PARD3B: variants seen among roughly 807,000 people sequenced by gnomAD.
PARD3B encodes the protein partitioning defective 3 homolog B.
A neutral mutation model predicts 130.2 loss-of-function variants in PARD3B; 103 were observed. That is an observed-to-expected ratio of 0.79 (90% confidence interval 0.67 to 0.93). The LOEUF (loss-of-function observed/expected upper bound fraction) is 0.93, where lower values mean the gene tolerates loss of function less well. Among genes scored for constraint, PARD3B ranks in the 40% least tolerant of loss-of-function variants. The pLI, the probability that PARD3B is intolerant of heterozygous loss-of-function variation, is 0.00. For missense variants in PARD3B, 1,609 were observed against 1,499.2 expected (o/e 1.07, Z -1.21); for synonymous variants, 583 against 553.2 (o/e 1.05, Z -0.76).
chr2:205,585,641 G>A lies in PARD3B; in HGVS notation c.3261-29815G>A, dbSNP rs571591257. ...AGCTGAAACAACAAAGCGGGACATG[G>A]AAACATGTTCACTTACACAGATTTC... On this transcript the variant is annotated intron_variant, in intron 22 of 22. Coordinates refer to ENST00000406610, the MANE Select transcript of PARD3B (RefSeq NM_001302769.2). This position sits in a 1 kb window ranked among gnomAD's most constrained non-coding sequence, Gnocchi z 5.4. Among the ~76,000 whole-genome samples, 2 of 152,184 alleles carry A rather than the reference G, an allele frequency of 1.3e-5. No homozygotes were observed. Among genetic ancestry groups the A allele is most frequent in the Admixed American group, 1.3e-4 (2 of 15,284 alleles).
At chr2:204,931,091 T>A (rs1433943802) in intron 2 of PARD3B, among the ~76,000 whole-genome samples, 1 of 152,030 alleles carries the variant, frequency 6.6e-6, no homozygotes, top group African/African-American at 2.4e-5. Flanking sequence ...ATGGCTTAGG[T>A]TTAATATAGA....
At chr2:204,709,712 A>T (rs963683308) in intron 2 of PARD3B, among the ~76,000 whole-genome samples, 1 of 152,192 alleles carries the variant, frequency 6.6e-6, no homozygotes, top group Non-Finnish European at 1.5e-5. Flanking sequence ...TTCAACACTG[A>T]GGCATCTTAA....
At chr2:205,586,146 G>A (rs2054189259) in intron 22 of PARD3B, among the ~76,000 whole-genome samples, 1 of 152,102 alleles carries the variant, frequency 6.6e-6, no homozygotes, top group South Asian at 2.1e-4. Flanking sequence ...ACATCCCTTT[G>A]TGTCCGCTCT....
At chr2:205,118,599 G>T (rs184439605) in intron 6 of PARD3B, among the ~76,000 whole-genome samples, 212 of 152,324 alleles carry the variant, frequency 1.4e-3, no homozygotes, top group Non-Finnish European at 2.6e-3. Context: ...CTATAGTCAG[G>T]TGTGATGCCC....
intron 2 of PARD3B, among the ~76,000 whole-genome samples, chr2:204,754,738 T>G (rs940991107): frequency 6.6e-6 from 1 of 152,122 alleles, no homozygotes; most frequent in Non-Finnish European, 1.5e-5. Context: ...AACACAAGTT[T>G]TAGAAGTCAC....
At chr2:204,581,466 A>C (rs1219168966) in intron 1 of PARD3B, among the ~76,000 whole-genome samples, 1 of 149,746 alleles carries the variant, frequency 6.7e-6, no homozygotes, top group Admixed American at 6.6e-5. Flanking sequence ...TTTTTTTTTT[A>C]TTTTTTTAAA....
chr2:205,537,194 A>G (rs1000039711), intron 21 of PARD3B, among the ~76,000 whole-genome samples: 1 of 152,152 alleles, frequency 6.6e-6, no homozygotes, highest in African/African-American at 2.4e-5. Flanking sequence ...TAGATAATAA[A>G]TAGGTGTTGA....
chr2:204,709,587 A>G (rs2038338999), intron 2 of PARD3B, among the ~76,000 whole-genome samples: 1 of 152,212 alleles, frequency 6.6e-6, no homozygotes, highest in Admixed American at 6.5e-5. Flanking sequence ...AACACAGTGG[A>G]CCATCTACCT....
rs2045173344 is a variant in PARD3B, at chr2:204,861,165, TC to T, written c.223-103986del. 2.1e-4 allele frequency among the ~76,000 whole-genome samples: 4 copies of T among 19,434 alleles called. No individual in the cohort carries two copies. The African/African-American group carries it at 4.3e-3, about 21-fold the overall frequency. 12.7% of individuals were successfully genotyped at this position (19,434 alleles called of 152,430 possible). On this transcript the variant is annotated intron_variant, in intron 2 of 22. Transcript: ENST00000406610. Reference sequence around the variant, plus strand: ...CACCTATTGCTACCTAATACCTTTCTCTCTCTCTCTCTCTCTCTCTCTCTCT... The same window carrying T: ...CACCTATTGCTACCTAATACCTTTCTTCTCTCTCTCTCTCTCTCTCTCTCT...
chr2:204,820,268 G>A (rs2043296992), intron 2 of PARD3B, among the ~76,000 whole-genome samples: 1 of 151,078 alleles, frequency 6.6e-6, no homozygotes, highest in African/African-American at 2.4e-5. Context: ...GTAGAGACTG[G>A]ATTTCACCAT....
chr2:205,433,210 T>A (rs1416073774), intron 19 of PARD3B, among the ~76,000 whole-genome samples: 1 of 152,224 alleles, frequency 6.6e-6, no homozygotes, highest in Admixed American at 6.5e-5. Flanking sequence ...ATCAGCATTT[T>A]TGCCTTTTCT....
At chr2:205,491,824 A>G (rs1183780903) in intron 20 of PARD3B, among the ~76,000 whole-genome samples, 1 of 152,188 alleles carries the variant, frequency 6.6e-6, no homozygotes, top group Non-Finnish European at 1.5e-5. Flanking sequence ...TCAGGTTGCC[A>G]TGGTGAGGTC....
intron 1 of PARD3B, among the ~76,000 whole-genome samples, chr2:204,652,881 G>C (rs1398523444): frequency 6.6e-6 from 1 of 151,104 alleles, no homozygotes; most frequent in East Asian, 1.9e-4. Flanking sequence ...GAGTACAAGT[G>C]AAAGGGGAAG....
chr2:205,478,181 G>A (rs1347247515), intron 20 of PARD3B, among the ~76,000 whole-genome samples: 5 of 152,190 alleles, frequency 3.3e-5, no homozygotes, highest in South Asian at 2.1e-4. Context: ...GTACTTCAGC[G>A]AAGAGTAAAG....
At chr2:204,979,006 TAAAG>T (rs1018162786) in intron 3 of PARD3B, among the ~76,000 whole-genome samples, 2 of 123,232 alleles carry the variant, frequency 1.6e-5, no homozygotes, top group African/African-American at 6.2e-5. Context: ...AATGTAAAAA[TAAAG>T]GAGGTGGAGT....
At chr2:205,522,639 A>G (rs956871883) in intron 21 of PARD3B, among the ~76,000 whole-genome samples, 2 of 152,206 alleles carry the variant, frequency 1.3e-5, no homozygotes, top group African/African-American at 4.8e-5. Context: ...AGCACAACAG[A>G]CAAAAATATC....
At chr2:205,453,349 T>A (rs2106202056) in intron 20 of PARD3B, among the ~76,000 whole-genome samples, 1 of 152,094 alleles carries the variant, frequency 6.6e-6, no homozygotes, top group East Asian at 1.9e-4. Context: ...AGAGTGTAAG[T>A]CAGGGCCAGC....
chr2:205,207,426 A>C (rs28817372), intron 15 of PARD3B, among the ~76,000 whole-genome samples: 2 of 148,892 alleles, frequency 1.3e-5, no homozygotes, highest in South Asian at 4.2e-4. Flanking sequence ...AATGAATCCA[A>C]GAGCTGGTTT....
chr2:205,411,744 A>G (rs2046606160), intron 19 of PARD3B, among the ~76,000 whole-genome samples: 1 of 152,110 alleles, frequency 6.6e-6, no homozygotes, highest in Admixed American at 6.6e-5. Flanking sequence ...AGATACTTCC[A>G]TTCAAGAAGC....
Sources: gnomAD v4.1 joint callset for allele counts (sites outside exome capture counted in the v4.1 genomes callset) on GRCh38, gnomAD v4.1.1 for gene constraint, Gnocchi (gnomAD v3.1) non-coding constraint, MANE v1.5 for transcripts, NCBI Gene and HGNC (gene_info 2026-07-23, HGNC 2026-07-21) for gene names.